SLC25A48: variants seen among roughly 807,000 people sequenced by gnomAD.
The protein encoded by SLC25A48 is solute carrier family 25 member 48.
Under a neutral mutation model 32.2 loss-of-function variants are expected in SLC25A48, and 29 were observed. That is an observed-to-expected ratio of 0.90 (90% CI 0.67 to 1.23). The LOEUF is 1.23. Among genes scored for constraint, SLC25A48 ranks in the 50% most tolerant of loss-of-function variants. The probability of loss-of-function intolerance (pLI) is 0.00; values close to 1 mark genes in which losing one functional copy is unlikely to be tolerated. For synonymous variants in SLC25A48, 164 were observed against 172.3 expected, an observed-to-expected ratio of 0.95 and a Z score of 0.38; for missense variants, 399 against 422.7, an observed-to-expected ratio of 0.94 and a Z score of 0.49.
chr5:135,876,072 A>C (rs1272898798), intron 6 of SLC25A48: 1 of 150,778 alleles, frequency 6.6e-6, no homozygotes, highest in Non-Finnish European at 1.5e-5. Flanking sequence ...CTCTGACAGA[A>C]GGGTGAAGCC....
chr5:135,812,601 C>T (rs1757615922), exon 4 of SLC25A48: 1 of 152,354 alleles, frequency 6.6e-6, no homozygotes, highest in Non-Finnish European at 1.5e-5. Flanking sequence ...TCCAATGTGT[C>T]TGGCCCTGAC....
At chr5:135,670,274 G>A (rs1753623902) in intron 3 of SLC25A48, among the ~76,000 whole-genome samples, 1 of 152,190 alleles carries the variant, frequency 6.6e-6, no homozygotes, top group Admixed American at 6.5e-5. Context: ...CCAGCTAGCA[G>A]GTCAAGCTGT....
At chr5:135,804,676 A>C (rs996032128) in intron 3 of SLC25A48, among the ~76,000 whole-genome samples, 2 of 151,578 alleles carry the variant, frequency 1.3e-5, no homozygotes, top group African/African-American at 4.8e-5. Context: ...ATTCCTTCTA[A>C]TATCACAGTG....
chr5:135,675,787 T>A (rs1216982237), intron 3 of SLC25A48, among the ~76,000 whole-genome samples: 1 of 152,100 alleles, frequency 6.6e-6, no homozygotes, highest in Non-Finnish European at 1.5e-5. Context: ...TAGATTGCTT[T>A]GGGCAATATG....
intron 1 of SLC25A48, among the ~76,000 whole-genome samples, chr5:135,592,516 C>A (rs1273510097): frequency 6.6e-6 from 1 of 152,062 alleles, no homozygotes; most frequent in Non-Finnish European, 1.5e-5. Flanking sequence ...TAGAGAAGGG[C>A]GTGTTAAGGG....
chr5:135,802,266 T>A (rs1402573061), intron 3 of SLC25A48, among the ~76,000 whole-genome samples: 4 of 151,832 alleles, frequency 2.6e-5, no homozygotes, highest in African/African-American at 9.7e-5. Flanking sequence ...GTATACCCTG[T>A]GATATTATCT....
intron 4 of SLC25A48, among the ~76,000 whole-genome samples, chr5:135,817,378 G>A (rs1207109930): frequency 1.3e-5 from 2 of 152,202 alleles, no homozygotes. Context: ...GACAATCCAG[G>A]TATGAATCCA....
intron 1 of SLC25A48, among the ~76,000 whole-genome samples, chr5:135,609,081 C>T (rs1381240523): frequency 1.3e-5 from 2 of 152,126 alleles, no homozygotes; most frequent in Non-Finnish European, 2.9e-5. Flanking sequence ...TCCTAATGTC[C>T]GAGTTACAAG....
chr5:135,649,147 G>A (rs564610009), intron 3 of SLC25A48: 4 of 152,384 alleles, frequency 2.6e-5, no homozygotes, highest in East Asian at 1.9e-4. Flanking sequence ...GACAATAGCG[G>A]GAACCCTGTC....
chr5:135,840,163 C>A (rs1045428296), intron 1 of SLC25A48, among the ~76,000 whole-genome samples: 1 of 152,028 alleles, frequency 6.6e-6, no homozygotes, highest in African/African-American at 2.4e-5. Flanking sequence ...ATCACTTTTC[C>A]AAAGAGGTCT....
chr5:135,883,511 C>A, intron 7 of SLC25A48: 1 of 977,074 alleles, frequency 1.0e-6, no homozygotes, highest in Non-Finnish European at 1.2e-6. Flanking sequence ...TGGCCACTGT[C>A]ATTCCTCTCT....
chr5:135,619,903 C>T (rs1280854020), intron 1 of SLC25A48, among the ~76,000 whole-genome samples: 1 of 152,044 alleles, frequency 6.6e-6, no homozygotes, highest in Non-Finnish European at 1.5e-5. Context: ...GCTGAGTATG[C>T]CTGTCCTTGG....
chr5:135,858,871 C>T (rs527945036), intron 4 of SLC25A48, among the ~76,000 whole-genome samples: 19 of 152,234 alleles, frequency 1.2e-4, no homozygotes, highest in South Asian at 4.2e-4. Context: ...TCTGTGGGAT[C>T]GGGCTGCCCC....
chr5:135,641,328 A>T (rs1752832078), intron 3 of SLC25A48, among the ~76,000 whole-genome samples: 1 of 152,228 alleles, frequency 6.6e-6, no homozygotes, highest in African/African-American at 2.4e-5. Context: ...AGGAATAAGG[A>T]TGGAGAGGGA....
intron 3 of SLC25A48, among the ~76,000 whole-genome samples, chr5:135,753,128 A>G (rs1355023371): frequency 6.6e-6 from 1 of 152,072 alleles, no homozygotes; most frequent in Admixed American, 6.6e-5. Context: ...GCGTAATATC[A>G]CAGGGGGTGT....
At chr5:135,715,911 C>A (rs989936106) in intron 3 of SLC25A48, among the ~76,000 whole-genome samples, 1 of 152,132 alleles carries the variant, frequency 6.6e-6, no homozygotes, top group African/African-American at 2.4e-5. Flanking sequence ...GTGATGTAAT[C>A]CTGTTTCTCT....
intron 3 of SLC25A48, among the ~76,000 whole-genome samples, chr5:135,708,755 G>A (rs768427375): frequency 5.3e-5 from 8 of 152,318 alleles, no homozygotes; most frequent in Non-Finnish European, 7.3e-5. Flanking sequence ...GAGAGCCCAG[G>A]TGTCTTCAGA....
chr5:135,880,205 A>G (rs1170301128), intron 7 of SLC25A48, 108 bp downstream of exon 7: 1 of 1,422,066 alleles, frequency 7.0e-7, no homozygotes, highest in Non-Finnish European at 9.3e-7. Context: ...GTTGTTTGTC[A>G]CATATCTAAT....
At chr5:135,644,780 A>T (rs1216252042) in intron 3 of SLC25A48, among the ~76,000 whole-genome samples, 1 of 152,150 alleles carries the variant, frequency 6.6e-6, no homozygotes, top group Non-Finnish European at 1.5e-5. Flanking sequence ...GCTCATCCTC[A>T]TGCCCGGGAG....
Sources: gnomAD v4.1 joint callset for allele counts (sites outside exome capture counted in the v4.1 genomes callset) on GRCh38, gnomAD v4.1.1 for gene constraint, MANE v1.5 for transcripts, NCBI Gene and HGNC (gene_info 2026-07-23, HGNC 2026-07-21) for gene names.